Variants in GLI2 observed in about 807,000 individuals in gnomAD.
GLI2 encodes transcription activator GLI2.
In GLI2, 22 loss-of-function variants were observed where a neutral mutation model predicts 78.9. That is an observed-to-expected ratio of 0.28 (90% CI 0.20 to 0.40). The LOEUF (loss-of-function observed/expected upper bound fraction) is 0.40, where lower values mean the gene tolerates loss of function less well. Ranked by LOEUF, GLI2 falls within the 10% of genes least tolerant of loss-of-function variation. The pLI is 1.00. For synonymous variants in GLI2, 974 were observed against 963.7 expected (o/e 1.01, Z -0.20); for missense variants, 2,097 against 2,213.2 (o/e 0.95, Z 1.05).
In GLI2 at chr2:120,919,138, A is replaced by C. The variant is rs1679245638; in HGVS notation, c.149-8223A>C. Among the ~76,000 whole-genome samples the C allele has an allele frequency of 3.3e-5, 5 of 152,226 alleles. No individual in the cohort carries two copies. The South Asian group carries it at 1.0e-3, about 32-fold the overall frequency. On this transcript the variant is annotated intron_variant, in intron 2 of 13. Transcript: ENST00000361492. ...GAAAAGCAACCAGTAAGCCATCTAC[A>C]CTTTGGTGTGAATCCATTCCCATGA...
chr2:120,823,696 G>T (rs1685895984), intron 2 of GLI2, among the ~76,000 whole-genome samples: 1 of 152,210 alleles, frequency 6.6e-6, no homozygotes, highest in South Asian at 2.1e-4. Context: ...CCGGCTGTGG[G>T]CTGTGGAGAG....
chr2:120,915,366 T>C (rs1679040978), intron 2 of GLI2, among the ~76,000 whole-genome samples: 1 of 152,166 alleles, frequency 6.6e-6, no homozygotes, highest in Non-Finnish European at 1.5e-5. Context: ...CTGATTTTAA[T>C]TCCTCCCCCC....
chr2:120,986,732 GC>G, intron 13 of GLI2, 118 bp downstream of exon 13: 1 of 783,028 alleles, frequency 1.3e-6, no homozygotes, highest in Non-Finnish European at 2.1e-6. Context: ...GATCTTACCA[GC>G]CCAGTACAGA....
At chr2:120,791,207 A>G (rs1185787222) in intron 1 of GLI2, among the ~76,000 whole-genome samples, 1 of 152,166 alleles carries the variant, frequency 6.6e-6, no homozygotes, top group East Asian at 1.9e-4. Context: ...GGGAACCCTT[A>G]CGTTCCCCAC....
rs373644693 is a variant in GLI2, at chr2:120,767,383, A to G, written c.-30-29908A>G. On this transcript the variant is annotated intron_variant, in intron 1 of 13. Coordinates refer to ENST00000361492, the MANE Select transcript of GLI2 (RefSeq NM_001374353.1). Reference sequence around the variant, plus strand: ...CTGGGGGCGGGGGCGGGTGGCAAGCATGTTCAGTGGGGATGTTTTTATTCA... The same window carrying G: ...CTGGGGGCGGGGGCGGGTGGCAAGCGTGTTCAGTGGGGATGTTTTTATTCA... Among the ~76,000 whole-genome samples the G allele has an allele frequency of 5.9e-5, 9 of 152,062 alleles. No individual in the cohort carries two copies. In the East Asian group the frequency reaches 1.2e-3, roughly 20 times the overall value.
At chr2:120,854,944 C>G (rs1287017178) in intron 2 of GLI2, among the ~76,000 whole-genome samples, 1 of 152,234 alleles carries the variant, frequency 6.6e-6, no homozygotes, top group African/African-American at 2.4e-5. Flanking sequence ...TCTGGCCTGT[C>G]CAGGGCCAGC....
chr2:120,792,269 C>T (rs1172801906), intron 1 of GLI2: 1 of 152,236 alleles, frequency 6.6e-6, no homozygotes, highest in Admixed American at 6.5e-5. Flanking sequence ...GCCGTGGGCC[C>T]CTTGGCAAGC....
At chr2:120,829,439 C>T (rs1263368573) in intron 2 of GLI2, among the ~76,000 whole-genome samples, 1 of 152,176 alleles carries the variant, frequency 6.6e-6, no homozygotes, top group African/African-American at 2.4e-5. Flanking sequence ...AGTGCTAGGG[C>T]TGAGCCCCAG....
chr2:120,858,112 C>T (rs1232564808), intron 2 of GLI2, among the ~76,000 whole-genome samples: 4 of 152,134 alleles, frequency 2.6e-5, no homozygotes, highest in Non-Finnish European at 5.9e-5. Flanking sequence ...CTGCTGAGTG[C>T]TCAGGGGGCG....
intron 2 of GLI2, among the ~76,000 whole-genome samples, chr2:120,880,674 G>A (rs1189568876): frequency 1.3e-5 from 2 of 152,180 alleles, no homozygotes; most frequent in East Asian, 3.8e-4. Flanking sequence ...GAAAAAAGCA[G>A]CTATGGGCTA....
At position 120,805,873 on chromosome 2, in the gene GLI2, G is replaced by A. The variant is rs1223235681; in HGVS notation, c.148+8405G>A. Among the ~76,000 whole-genome samples, 4 of 152,114 alleles carry A rather than the reference G, an allele frequency of 2.6e-5. No individual in the cohort carries two copies. The East Asian group carries it at 7.7e-4, about 29-fold the overall frequency. ...ATAGTTTACTATTAGTATATTCTGG[G>A]GTTTATCATTTTAGTCATGTTTAAC... is the stretch of plus-strand genomic sequence containing the variant. On this transcript the variant is annotated intron_variant, in intron 2 of 13. Coordinates refer to ENST00000361492, the MANE Select transcript of GLI2 (RefSeq NM_001374353.1).
In GLI2 at chr2:120,974,869, A is replaced by G. The variant is rs1682374425; in HGVS notation, c.1183-106A>G. 8 of 1,538,558 alleles carry G rather than the reference A, an allele frequency of 5.2e-6. No individual in the cohort carries two copies. In the African/African-American group the frequency reaches 8.2e-5, roughly 16 times the overall value. ...ACACACACTTGCATCCACACCTGTAACAGCCCAGGGTCCTTGGCACAGAAT... is the reference window on the plus strand; with the variant it reads ...ACACACACTTGCATCCACACCTGTAGCAGCCCAGGGTCCTTGGCACAGAAT... On this transcript the variant is annotated intron_variant, in intron 8 of 13. Transcript: ENST00000361492.
intron 5 of GLI2, among the ~76,000 whole-genome samples, chr2:120,963,436 C>G (rs543382409): frequency 6.6e-6 from 1 of 152,032 alleles, no homozygotes; most frequent in Non-Finnish European, 1.5e-5. Context: ...GCCTCTGCAT[C>G]TTGTGTGTGT....
Position 120,989,360 on chromosome 2 carries a change from T to C in GLI2, c.3395T>C (p.Val1132Ala). 6.2e-7 allele frequency: 1 copy of C among 1,612,936 alleles called. No individual in the cohort carries two copies. Among genetic ancestry groups the C allele is most frequent in the Non-Finnish European group, 8.5e-7 (1 of 1,179,946 alleles). Reference sequence around the variant, plus strand: ...AACATGCCTGTGCAGTGGAATGAGGTGAGCTCCGGCACCGTAGACGCCCTG... The same window carrying C: ...AACATGCCTGTGCAGTGGAATGAGGCGAGCTCCGGCACCGTAGACGCCCTG... ...KNNMPVQWNEVSSGTVDALAS... is the reference protein window; with the variant it reads ...KNNMPVQWNEASSGTVDALAS... Residue 1132 changes from valine to alanine, a missense_variant, in exon 14 of 14, where the codon GTG becomes GCG. Val to Ala is a moderately conservative substitution (Grantham distance 64). Around this residue, in one of 5 missense-constraint regions of GLI2, gnomAD observed 1,290 missense variants for 1,261.7 expected, o/e 1.02. Coordinates refer to ENST00000361492, the MANE Select transcript of GLI2 (RefSeq NM_001374353.1).
chr2:120,794,360 G>T (rs1364057864), intron 1 of GLI2, among the ~76,000 whole-genome samples: 2 of 152,240 alleles, frequency 1.3e-5, no homozygotes, highest in African/African-American at 4.8e-5. Flanking sequence ...CAGGGAGCTG[G>T]TAGGGAGAGG....
chr2:120,958,345 A>G (rs1442041390), intron 5 of GLI2, among the ~76,000 whole-genome samples: 2 of 152,002 alleles, frequency 1.3e-5, no homozygotes, highest in Non-Finnish European at 1.5e-5. Flanking sequence ...AGGATTCTGT[A>G]TCTTCATTGT....
At chr2:120,847,756 A>C (rs1442522657) in intron 2 of GLI2, among the ~76,000 whole-genome samples, 1 of 36,880 alleles carries the variant, frequency 2.7e-5, no homozygotes, top group African/African-American at 1.2e-4. Flanking sequence ...CGTGGGGGGC[A>C]GGGGCGGGGG....
intron 2 of GLI2, among the ~76,000 whole-genome samples, chr2:120,883,474 G>A (rs946966375): frequency 3.3e-5 from 5 of 152,160 alleles, no homozygotes; most frequent in African/African-American, 1.2e-4. Flanking sequence ...GTGACAGAGC[G>A]AAACCTTGTC....
At chr2:120,771,441 TC>T (rs1467732566) in intron 1 of GLI2, among the ~76,000 whole-genome samples, 1 of 152,268 alleles carries the variant, frequency 6.6e-6, no homozygotes, top group Non-Finnish European at 1.5e-5. Context: ...CTGGCTGTTT[TC>T]CAAGCGTCCT....
Sources: gnomAD v4.1 joint callset for allele counts (sites outside exome capture counted in the v4.1 genomes callset) on GRCh38, gnomAD v4.1.1 for gene constraint, gnomAD v4.1.1 regional missense constraint, MANE v1.5 for transcripts, NCBI Gene and HGNC (gene_info 2026-07-23, HGNC 2026-07-21) for gene names.